Variants in ISM1 observed in about 807,000 individuals in gnomAD.
The protein encoded by ISM1 is isthmin-1.
In ISM1, 25 loss-of-function variants were observed where a neutral mutation model predicts 46.3. That is an observed-to-expected ratio of 0.54 (90% CI 0.39 to 0.75). The LOEUF is 0.75. Among genes scored for constraint, ISM1 ranks in the 30% least tolerant of loss-of-function variants. The pLI, the probability that ISM1 is intolerant of heterozygous loss-of-function variation, is 0.00. For synonymous variants in ISM1, 255 were observed against 256.7 expected, an observed-to-expected ratio of 0.99 and a Z score of 0.06; for missense variants, 536 against 625.4, an observed-to-expected ratio of 0.86 and a Z score of 1.52.
intron 5 of ISM1, among the ~76,000 whole-genome samples, chr20:13,298,578 A>G (rs6134840): frequency 0.15 from 22,598 of 152,226 alleles, 2,159 homozygotes; most frequent in East Asian, 0.36. Flanking sequence ...TTTAAAAGAT[A>G]AAACAAATAT....
the ISM1 span, among the ~76,000 whole-genome samples, chr20:13,317,326 A>G: frequency 1.3e-5 from 2 of 152,026 alleles, no homozygotes; most frequent in Non-Finnish European, 2.9e-5. Flanking sequence ...GAGATACTCC[A>G]TGTTAGGGAG....
the ISM1 span, among the ~76,000 whole-genome samples, chr20:13,319,493 A>C: frequency 6.6e-6 from 1 of 152,338 alleles, no homozygotes; most frequent in Non-Finnish European, 1.5e-5. Flanking sequence ...AGTCACTCGG[A>C]GAGTGAGAGA....
intron 1 of ISM1, among the ~76,000 whole-genome samples, chr20:13,242,050 C>T (rs950160797): frequency 1.3e-5 from 2 of 152,072 alleles, no homozygotes; most frequent in Admixed American, 1.3e-4. Context: ...GCTTGGAGAT[C>T]TCAATGAGTT....
At chr20:13,222,194 C>G (rs1305625526) in intron 1 of ISM1, among the ~76,000 whole-genome samples, 1 of 152,024 alleles carries the variant, frequency 6.6e-6, no homozygotes, top group African/African-American at 2.4e-5. Flanking sequence ...TGGGAAGGAG[C>G]GAGGTTTGGG....
At position 13,270,651 on chromosome 20, in the gene ISM1, C is replaced by G. The variant is rs1023168045; in HGVS notation, c.286C>G (p.Gln96Glu). 1 of 1,613,974 alleles carries G rather than the reference C, an allele frequency of 6.2e-7. No individual in the cohort carries two copies. Among genetic ancestry groups the G allele is most frequent in the Non-Finnish European group, 8.5e-7 (1 of 1,179,878 alleles). ...FRQETGHPSL[Q>E]RDFPRSFLLD... Reference sequence around the variant, plus strand: ...ACAAGAGACGGGGCACCCTTCATTGCAAAGAGATTTCCCCAGATCCTTTCT... The same window carrying G: ...ACAAGAGACGGGGCACCCTTCATTGGAAAGAGATTTCCCCAGATCCTTTCT... Residue 96 changes from glutamine (Q) to glutamate (E), a missense_variant, in exon 2 of 6, where the codon CAA becomes GAA. Coordinates refer to ENST00000262487, the MANE Select transcript of ISM1 (RefSeq NM_080826.2).
At chr20:13,258,761 C>T (rs534030465) in intron 1 of ISM1, among the ~76,000 whole-genome samples, 85 of 152,060 alleles carry the variant, frequency 5.6e-4, no homozygotes, top group African/African-American at 1.7e-3. Context: ...ATGAAGTGTT[C>T]GAAAGGAGTT....
intron 3 of ISM1, among the ~76,000 whole-genome samples, chr20:13,280,403 C>T (rs6109793): frequency 4.6e-5 from 6 of 129,172 alleles, no homozygotes; most frequent in Admixed American, 1.5e-4. Flanking sequence ...CCCCCCCCCC[C>T]AATACATTTC....
chr20:13,306,564 C>CAAAAAAAAAAAAAAAAAAAAAGAAAAA, the ISM1 span, among the ~76,000 whole-genome samples: 2 of 63,914 alleles, frequency 3.1e-5, no homozygotes, highest in Non-Finnish European at 5.3e-5. Context: ...GGAGAAAGGA[C>CAAAAAAAAAAAAAAAAAAAAAGAAAAA]AAAAAAAAAA....
At chr20:13,297,824 A>G (rs900612920) in intron 5 of ISM1, among the ~76,000 whole-genome samples, 1 of 152,158 alleles carries the variant, frequency 6.6e-6, no homozygotes, top group Non-Finnish European at 1.5e-5. Flanking sequence ...ACCAAACACA[A>G]CCCTTCTGGG....
At chr20:13,307,477 G>A in the ISM1 span, among the ~76,000 whole-genome samples, 1 of 152,182 alleles carries the variant, frequency 6.6e-6, no homozygotes, top group South Asian at 2.1e-4. Flanking sequence ...TGGTTTGATT[G>A]TCAAAACTCA....
In ISM1 at chr20:13,250,063, A is replaced by G. The variant is rs192701600; in HGVS notation, c.139-20441A>G. ...AAAAGCTCACAGTGAACAGAAGGGA[A>G]GAGCTATCATGCATGTTCTCTTTTT... On this transcript the variant is annotated intron_variant, in intron 1 of 5. Transcript: ENST00000262487. Among the ~76,000 whole-genome samples, 7 of 152,308 alleles carry G rather than the reference A, an allele frequency of 4.6e-5. No homozygotes were observed. The East Asian group carries it at 1.4e-3, about 29-fold the overall frequency.
chr20:13,262,973 G>A (rs2040004307), intron 1 of ISM1, among the ~76,000 whole-genome samples: 1 of 152,166 alleles, frequency 6.6e-6, no homozygotes, highest in Non-Finnish European at 1.5e-5. Context: ...GTGACAGCAG[G>A]CTCCATTCCC....
the ISM1 span, among the ~76,000 whole-genome samples, chr20:13,310,864 A>T: frequency 6.6e-6 from 1 of 152,204 alleles, no homozygotes; most frequent in Non-Finnish European, 1.5e-5. Flanking sequence ...CTACAATAGG[A>T]TATTACTTCA....
At chr20:13,233,132 C>G (rs1335069295) in intron 1 of ISM1, among the ~76,000 whole-genome samples, 2 of 152,136 alleles carry the variant, frequency 1.3e-5, no homozygotes, top group Admixed American at 1.3e-4. Flanking sequence ...TTCCTTGTCC[C>G]CATGAGTGGA....
At chr20:13,320,732 C>T in the ISM1 span, among the ~76,000 whole-genome samples, 15,161 of 152,180 alleles carry the variant, frequency 0.1, 1,187 homozygotes, top group African/African-American at 0.21. Context: ...GTTTCCATTT[C>T]ATGGTCTAAG....
At chr20:13,234,192 C>CACTT (rs1362584799) in intron 1 of ISM1, among the ~76,000 whole-genome samples, 1 of 152,104 alleles carries the variant, frequency 6.6e-6, no homozygotes, top group Non-Finnish European at 1.5e-5. Context: ...GTTTAGCCCC[C>CACTT]ACTTATAAGG....
chr20:13,321,534 T>C, the ISM1 span, among the ~76,000 whole-genome samples: 1 of 152,142 alleles, frequency 6.6e-6, no homozygotes, highest in African/African-American at 2.4e-5. Context: ...AAGGTAAACA[T>C]AATCCTTCCT....
the ISM1 span, among the ~76,000 whole-genome samples, chr20:13,313,713 TC>T: frequency 1.3e-5 from 2 of 152,200 alleles, no homozygotes; most frequent in Non-Finnish European, 2.9e-5. Flanking sequence ...ATATATCATG[TC>T]CAGCTATCAA....
downstream of ISM1, among the ~76,000 whole-genome samples, chr20:13,301,648 A>T (rs1458742458): frequency 6.6e-6 from 1 of 152,180 alleles, no homozygotes; most frequent in African/African-American, 2.4e-5. Context: ...AAGAGAATCA[A>T]TGCGTCCGTG....
Sources: allele counts gnomAD v4.1 joint callset (sites outside exome capture counted in the v4.1 genomes callset), GRCh38; gene constraint gnomAD v4.1.1; transcripts MANE v1.5; gene names NCBI Gene and HGNC (gene_info 2026-07-23, HGNC 2026-07-21).